The following RPRD1A variants were observed in gnomAD, a reference collection of about 807,000 sequenced individuals.
RPRD1A encodes the protein regulation of nuclear pre-mRNA domain containing 1A, also known as regulation of nuclear pre-mRNA domain-containing protein 1A.
RPRD1A carries 9 observed loss-of-function variants against 37.8 expected under a neutral mutation model. That is an observed-to-expected ratio of 0.24 (90% confidence interval 0.14 to 0.42). The LOEUF (loss-of-function observed/expected upper bound fraction) is 0.42. RPRD1A is among the 10% of genes least tolerant of loss of function. The probability of loss-of-function intolerance (pLI) is 1.00; values close to 1 mark genes in which losing one functional copy is unlikely to be tolerated. For synonymous variants in RPRD1A, 138 were observed against 139.7 expected, an observed-to-expected ratio of 0.99 and a Z score of 0.08; for missense variants, 255 against 371.0, an observed-to-expected ratio of 0.69 and a Z score of 2.57.
chr18:36,017,206 A>G (rs1910648722), intron 6 of RPRD1A, among the ~76,000 whole-genome samples: 1 of 152,106 alleles, frequency 6.6e-6, no homozygotes, highest in African/African-American at 2.4e-5. Flanking sequence ...GCTACTCGGG[A>G]GGCTGATCAC....
intron 1 of RPRD1A, among the ~76,000 whole-genome samples, chr18:36,066,389 A>T (rs1335588122): frequency 6.6e-6 from 1 of 152,228 alleles, no homozygotes; most frequent in Non-Finnish European, 1.5e-5. Flanking sequence ...CATCATATCC[A>T]TCAGGATGTT....
intron 1 of RPRD1A, among the ~76,000 whole-genome samples, chr18:36,038,790 G>C (rs948796148): frequency 1.3e-5 from 2 of 152,314 alleles, no homozygotes; most frequent in African/African-American, 4.8e-5. Context: ...TGTGAGACAG[G>C]GAGTCAAAGG....
rs577796838 is a variant in RPRD1A, at chr18:36,042,687, AG to A, written c.152-8851del. On this transcript the variant is annotated intron_variant, in intron 1 of 6. Transcript: ENST00000399022. ...AGAAAAACAGTCAAGACATGTGCAC[AG>A]GAAGTACAAAGAAACACAAATGTTA... Among the ~76,000 whole-genome samples, 46 of 152,346 alleles carry A rather than the reference AG, an allele frequency of 3.0e-4. 1 individual carries two copies. The South Asian group carries it at 6.6e-3, about 22-fold the overall frequency.
chr18:36,023,726 C>A (rs1301682699), intron 6 of RPRD1A, among the ~76,000 whole-genome samples: 1 of 152,184 alleles, frequency 6.6e-6, no homozygotes, highest in African/African-American at 2.4e-5. Flanking sequence ...CCTAATCAGT[C>A]AACAGCCATC....
intron 1 of RPRD1A, among the ~76,000 whole-genome samples, chr18:36,060,391 G>A (rs1208649423): frequency 6.6e-6 from 1 of 151,876 alleles, no homozygotes; most frequent in East Asian, 1.9e-4. Context: ...CCGAGATCGC[G>A]CCACTGCACT....
intron 1 of RPRD1A, among the ~76,000 whole-genome samples, chr18:36,036,949 G>A (rs571967118): frequency 6.6e-4 from 101 of 152,124 alleles, no homozygotes; most frequent in African/African-American, 1.9e-3. Flanking sequence ...CAAAAACACC[G>A]GTTTTCCAAA....
chr18:36,063,926 G>C (rs925129762), intron 1 of RPRD1A: 2 of 152,174 alleles, frequency 1.3e-5, no homozygotes, highest in Non-Finnish European at 2.9e-5. Flanking sequence ...TCCTCCTAAA[G>C]CATCTTTTTA....
chr18:36,046,262 T>C (rs1226208583), intron 1 of RPRD1A, among the ~76,000 whole-genome samples: 2 of 151,994 alleles, frequency 1.3e-5, no homozygotes, highest in Non-Finnish European at 2.9e-5. Flanking sequence ...ACCAGAGCAG[T>C]GTCAGAGAAA....
At chr18:36,034,319 T>C (rs11081927) in intron 1 of RPRD1A, among the ~76,000 whole-genome samples, 78,590 of 152,040 alleles carry the variant, frequency 0.52, 22,870 homozygotes, top group Middle Eastern at 0.67. Context: ...GCCAAGCTAA[T>C]AGATTAACTG....
At chr18:36,014,810 G>A (rs997294758) in intron 6 of RPRD1A, among the ~76,000 whole-genome samples, 1 of 151,994 alleles carries the variant, frequency 6.6e-6, no homozygotes, top group Non-Finnish European at 1.5e-5. Context: ...TTTCTCCAAA[G>A]CTAAACAAAT....
chr18:36,005,908 A>T (rs896934438), intron 6 of RPRD1A, among the ~76,000 whole-genome samples: 9 of 151,222 alleles, frequency 6.0e-5, no homozygotes, highest in South Asian at 2.1e-4. Context: ...GATTTTTTTT[A>T]AAGACTAAAG....
chr18:36,061,860 A>C (rs1049051756), intron 1 of RPRD1A, among the ~76,000 whole-genome samples: 3 of 152,238 alleles, frequency 2.0e-5, no homozygotes, highest in African/African-American at 7.2e-5. Context: ...AATGGCCAAT[A>C]AGTACATGAA....
intron 6 of RPRD1A, among the ~76,000 whole-genome samples, chr18:36,017,437 T>C (rs774449061): frequency 3.3e-5 from 5 of 152,148 alleles, no homozygotes; most frequent in Non-Finnish European, 5.9e-5. Context: ...TCAACAACTA[T>C]AACCATTTTC....
At position 36,033,610 on chromosome 18, in the gene RPRD1A, T is replaced by A. The variant is rs538014611; in HGVS notation, c.281+98A>T. On this transcript the variant is annotated intron_variant, in intron 2 of 6. Transcript: ENST00000399022. ...AAATAAAAGCATCAAAAAACTATAT[T>A]CCCTACTTTTTATTTTAATAGTTTA... 3.1e-6 allele frequency: 3 copies of A among 973,504 alleles called. No homozygotes were observed. The East Asian group carries it at 8.0e-5, about 26-fold the overall frequency. The allele number at this position is 973,504 out of a possible 1,614,324, so 60.3% of individuals were successfully genotyped here.
At chr18:36,063,579 T>C (rs372379613) in intron 1 of RPRD1A, among the ~76,000 whole-genome samples, 1 of 152,272 alleles carries the variant, frequency 6.6e-6, no homozygotes, top group African/African-American at 2.4e-5. Context: ...TAATTTTCTT[T>C]AGTTTGTTGT....
At position 36,027,177 on chromosome 18, in the gene RPRD1A, T is replaced by C; in HGVS notation, c.613+7A>G. The C allele has an allele frequency of 6.2e-7, 1 of 1,613,782 alleles. No individual in the cohort carries two copies. On this transcript the variant is annotated splice_region_variant and intron_variant, in intron 5 of 6. Transcript: ENST00000399022. ...AAAAAGTTCTGGATCACATTTTCTT[T>C]TCTTACCTGTTATTTTATCTAATAG... is the stretch of plus-strand genomic sequence containing the variant.
At chr18:36,017,572 A>C (rs571717524) in intron 6 of RPRD1A, among the ~76,000 whole-genome samples, 1 of 152,346 alleles carries the variant, frequency 6.6e-6, no homozygotes, top group East Asian at 1.9e-4. Context: ...CTCACTTCTA[A>C]GAACTGATAC....
Position 35,991,278 on chromosome 18 carries a change from AACTT to A in RPRD1A, c.*1869_*1872del, listed in dbSNP as rs1290654309. 3 of 152,210 alleles carry A rather than the reference AACTT, an allele frequency of 2.0e-5. No individual in the cohort carries two copies. The highest frequency in any genetic ancestry group is 2.9e-5 in the Non-Finnish European group (2 of 68,040). The allele number at this position is 152,210 out of a possible 1,614,324, so 9.4% of individuals were successfully genotyped here. On this transcript the variant is annotated 3_prime_UTR_variant, in exon 7 of 7. Transcript: ENST00000399022. ...TGCTTTCACATTAATAATAAAAACTAACTTACTTAGTATACTTTCATAACATGTA... is the reference window on the plus strand; with the variant it reads ...TGCTTTCACATTAATAATAAAAACTAACTTAGTATACTTTCATAACATGTA...
intron 1 of RPRD1A, among the ~76,000 whole-genome samples, chr18:36,055,496 C>G (rs1913699664): frequency 6.6e-6 from 1 of 152,282 alleles, no homozygotes; most frequent in African/African-American, 2.4e-5. Context: ...TCATGATACT[C>G]TTTAGAGATT....
Sources: gnomAD v4.1 joint callset for allele counts (sites outside exome capture counted in the v4.1 genomes callset) on GRCh38, gnomAD v4.1.1 for gene constraint, MANE v1.5 for transcripts, NCBI Gene and HGNC (gene_info 2026-07-23, HGNC 2026-07-21) for gene names.